CD47: variants seen among roughly 807,000 people sequenced by gnomAD.
The protein encoded by CD47 is leukocyte surface antigen CD47.
Under a neutral mutation model 44.6 loss-of-function variants are expected in CD47, and 11 were observed. That is an observed-to-expected ratio of 0.25 (90% CI 0.16 to 0.41). The LOEUF is 0.41. CD47 is among the 10% of genes least tolerant of loss of function. The probability of loss-of-function intolerance (pLI) is 1.00; values close to 1 mark genes in which losing one functional copy is unlikely to be tolerated. For missense variants in CD47, 306 were observed against 386.7 expected, an observed-to-expected ratio of 0.79 and a Z score of 1.75; for synonymous variants, 140 against 136.3, an observed-to-expected ratio of 1.03 and a Z score of -0.19.
At chr3:108,061,453 C>T (rs1366872301) in intron 3 of CD47, among the ~76,000 whole-genome samples, 10 of 151,656 alleles carry the variant, frequency 6.6e-5, no homozygotes, top group Non-Finnish European at 1.5e-4. Flanking sequence ...AAAAAAATGA[C>T]AGAATAAAAC....
chr3:108,066,451 C>T (rs2079107139), intron 3 of CD47, among the ~76,000 whole-genome samples: 1 of 152,196 alleles, frequency 6.6e-6, no homozygotes, highest in South Asian at 2.1e-4. Context: ...GCTATTTCTT[C>T]AGTTCAAAAA....
chr3:108,055,399 C>T (rs749787355), intron 7 of CD47: 10 of 396,166 alleles, frequency 2.5e-5, no homozygotes, highest in African/African-American at 6.5e-5. Context: ...CTAATATAAA[C>T]GCTCAAATTT....
chr3:108,064,617 A>T (rs1266993364), intron 3 of CD47, among the ~76,000 whole-genome samples: 1 of 152,200 alleles, frequency 6.6e-6, no homozygotes, highest in African/African-American at 2.4e-5. Flanking sequence ...TGACACACCC[A>T]TATAGGCTCA....
rs1214948407 is a variant in CD47 at position 108,047,222 on chromosome 3, T to A, written c.*66A>T. The A allele has an allele frequency of 7.9e-6, 11 of 1,398,572 alleles. No homozygotes were observed. The highest frequency in any genetic ancestry group is 1.0e-5 in the Non-Finnish European group (10 of 997,688). The allele number at this position is 1,398,572 out of a possible 1,614,324, so 86.6% of individuals were successfully genotyped here. A position where few individuals can be genotyped will look rare whatever the true frequency, so the allele number is the denominator to read the frequency against. On this transcript the variant is annotated 3_prime_UTR_variant, in exon 11 of 11. Transcript: ENST00000361309. ...AGTGAATCATCAAGGCCATGGTGCT[T>A]AAACACAAGTGTATTCCTTTCACGT... is the stretch of plus-strand genomic sequence containing the variant.
rs78381509 is a variant in CD47, at chr3:108,049,516, T to C, written c.967+103A>G. Reference sequence around the variant, plus strand: ...AATGTGAACCTTTATCATCTGACAGTGTCCCTTTTACTAAAAAAGAGCCAC... The same window carrying C: ...AATGTGAACCTTTATCATCTGACAGCGTCCCTTTTACTAAAAAAGAGCCAC... On this transcript the variant is annotated intron_variant, in intron 10 of 10. Transcript: ENST00000361309. 2.7e-4 allele frequency: 198 copies of C among 744,742 alleles called. 2 individuals are homozygous for C. The African/African-American group carries it at 3.3e-3, about 12-fold the overall frequency. The allele number at this position is 744,742 out of a possible 1,614,324, so 46.1% of individuals were successfully genotyped here. A position where few individuals can be genotyped will look rare whatever the true frequency, so the allele number is the denominator to read the frequency against.
Position 108,043,592 on chromosome 3 carries a change from C to T in CD47, c.*3696G>A, listed in dbSNP as rs757817111. 1.3e-5 allele frequency: 2 copies of T among 152,540 alleles called. No homozygotes were observed. Among genetic ancestry groups the T allele is most frequent in the African/African-American group, 2.4e-5 (1 of 41,424 alleles). 9.4% of individuals were successfully genotyped at this position (152,540 alleles called of 1,614,324 possible). The stretch of plus-strand genomic sequence containing the variant: ...TCTTGCACATAGCAACACTGGAGTT[C>T]TCTTTATTTAGAATGGTTAATAGAT... On this transcript the variant is annotated 3_prime_UTR_variant, in exon 11 of 11. Transcript: ENST00000361309.
chr3:108,056,301 C>T (rs2078912562), intron 7 of CD47, among the ~76,000 whole-genome samples: 1 of 152,144 alleles, frequency 6.6e-6, no homozygotes, highest in Non-Finnish European at 1.5e-5. Flanking sequence ...GACTTATGAA[C>T]TCATATGCTA....
At chr3:108,058,262 G>GAAAGAA (rs890005809) in intron 6 of CD47, 75 bp downstream of exon 6, 6 of 828,058 alleles carry the variant, frequency 7.2e-6, no homozygotes, top group South Asian at 6.8e-5. Context: ...TAAAAAGAGA[G>GAAAGAA]AAAGAAAAAG....
At chr3:108,090,701 C>T (rs933355018) in intron 1 of CD47, among the ~76,000 whole-genome samples, 162 bp downstream of exon 1, 1 of 152,016 alleles carries the variant, frequency 6.6e-6, no homozygotes, top group Non-Finnish European at 1.5e-5. Flanking sequence ...CCCGATTCCC[C>T]GTGGGGCCCT....
chr3:108,075,881 AG>A (rs1474717311), intron 2 of CD47, among the ~76,000 whole-genome samples: 1 of 152,242 alleles, frequency 6.6e-6, no homozygotes, highest in Non-Finnish European at 1.5e-5. Flanking sequence ...ATTCAACAAG[AG>A]GAAGATTCTC....
At chr3:108,071,456 G>T (rs1487601224) in intron 2 of CD47, among the ~76,000 whole-genome samples, 4 of 152,158 alleles carry the variant, frequency 2.6e-5, no homozygotes, top group Non-Finnish European at 4.4e-5. Flanking sequence ...GTGCAGTGCA[G>T]TGGCTGAGAA....
At chr3:108,047,361 CATT>C in intron 10 of CD47, 69 bp from the exon 11 acceptor site, 1 of 1,309,448 alleles carries the variant, frequency 7.6e-7, no homozygotes, top group Non-Finnish European at 1.1e-6. Flanking sequence ...AAAGTTGACA[CATT>C]AAAAAAAGTT....
At position 108,090,896 on chromosome 3, in the gene CD47, C is replaced by G; in HGVS notation, c.13G>C (p.Val5Leu). 6.7e-7 allele frequency: 1 copy of G among 1,489,118 alleles called. No individual in the cohort carries two copies. The highest frequency in any genetic ancestry group is 8.9e-7 in the Non-Finnish European group (1 of 1,125,184). 92.2% of individuals were successfully genotyped at this position (1,489,118 alleles called of 1,614,324 possible). A position where few individuals can be genotyped will look rare whatever the true frequency, so the allele number is the denominator to read the frequency against. MWPL[V>L]AALLLGSACC... ...GCCGAGCCCAGCAACAGCGCCGCTACCAGGGGCCACATCTCCGCGCCCGCC... is the reference window on the plus strand; with the variant it reads ...GCCGAGCCCAGCAACAGCGCCGCTAGCAGGGGCCACATCTCCGCGCCCGCC... The change falls in exon 1 of 11, where the codon GTA (valine) becomes CTA (leucine). Residue 5 changes from valine (V) to leucine (L), a missense_variant. Coordinates refer to ENST00000361309, the MANE Select transcript of CD47 (RefSeq NM_001777.4).
intron 3 of CD47, among the ~76,000 whole-genome samples, chr3:108,062,294 A>G (rs2079028598): frequency 6.6e-6 from 1 of 152,066 alleles, no homozygotes; most frequent in Non-Finnish European, 1.5e-5. Flanking sequence ...TAACTTCCCT[A>G]TTTTCTAGGC....
At position 108,080,205 on chromosome 3, in the gene CD47, T is replaced by C; in HGVS notation, c.186A>G (p.Gly62=). The C allele has an allele frequency of 6.2e-7, 1 of 1,612,972 alleles. No homozygotes were observed. The change falls in exon 2 of 11, where the codon GGA becomes GGG. Residue 62 remains glycine, a synonymous_variant. Coordinates refer to ENST00000361309, the MANE Select transcript of CD47 (RefSeq NM_001777.4). ...TEVYVKWKFK[G]RDIYTFDGAL... is the part of the protein sequence containing the mutation. ...CTCCATCAAAGGTGTAAATATCTCTTCCTTTAAATTTCCACTTTACGTATA... is the reference window on the plus strand; with the variant it reads ...CTCCATCAAAGGTGTAAATATCTCTCCCTTTAAATTTCCACTTTACGTATA...
At chr3:108,078,716 C>T (rs1378257094) in intron 2 of CD47, among the ~76,000 whole-genome samples, 1 of 151,506 alleles carries the variant, frequency 6.6e-6, no homozygotes, top group Non-Finnish European at 1.5e-5. Context: ...ATTCTCCTTG[C>T]CTACTCGGAG....
intron 1 of CD47, among the ~76,000 whole-genome samples, chr3:108,088,780 G>T (rs553722109): frequency 6.6e-6 from 1 of 152,300 alleles, no homozygotes; most frequent in African/African-American, 2.4e-5. Context: ...GTACATGAGT[G>T]GGGGCAGAGT....
chr3:108,058,051 G>T (rs2078943419), intron 6 of CD47, among the ~76,000 whole-genome samples: 1 of 152,074 alleles, frequency 6.6e-6, no homozygotes, highest in South Asian at 2.1e-4. Flanking sequence ...ATACAAAATG[G>T]TACAGCTATT....
At chr3:108,053,670 A>G (rs1040166225) in intron 7 of CD47, 1 of 152,238 alleles carries the variant, frequency 6.6e-6, no homozygotes, top group Non-Finnish European at 1.5e-5. Context: ...CCTAGACTAC[A>G]TACTGTCCCA....
Sources: allele counts gnomAD v4.1 joint callset (sites outside exome capture counted in the v4.1 genomes callset), GRCh38; gene constraint gnomAD v4.1.1; transcripts MANE v1.5; gene names NCBI Gene and HGNC (gene_info 2026-07-23, HGNC 2026-07-21).